Variants in ZNF492 observed in about 807,000 individuals in gnomAD.
ZNF492 encodes the protein zinc finger protein 115 (Y20).
In ZNF492, 3 loss-of-function variants were observed where a neutral mutation model predicts 6.4. The observed-to-expected ratio is 0.47, with a 90% CI of 0.21 to 1.22. The LOEUF (loss-of-function observed/expected upper bound fraction) is 1.22. Among genes scored for constraint, ZNF492 ranks in the 50% most tolerant of loss-of-function variants. ZNF492 has a pLI of 0.22. For missense variants in ZNF492, 356 were observed against 612.5 expected, an observed-to-expected ratio of 0.58 and a Z score of 4.42; for synonymous variants, 112 against 205.3, an observed-to-expected ratio of 0.55 and a Z score of 3.89.
At chr19:22,639,588 T>C (rs1971804588) in intron 1 of ZNF492, among the ~76,000 whole-genome samples, 1 of 151,668 alleles carries the variant, frequency 6.6e-6, no homozygotes, top group African/African-American at 2.4e-5. Context: ...CGCATACCTT[T>C]AATCCCAGCT....
chr19:22,662,675 G>A (rs911193097), intron 3 of ZNF492, among the ~76,000 whole-genome samples: 33 of 151,278 alleles, frequency 2.2e-4, no homozygotes, highest in Non-Finnish European at 2.7e-4. Flanking sequence ...TGCATTTCTC[G>A]GATGGCCAGT....
intron 1 of ZNF492, among the ~76,000 whole-genome samples, chr19:22,635,230 A>T (rs1971749085): frequency 6.6e-6 from 1 of 151,962 alleles, no homozygotes; most frequent in Admixed American, 6.6e-5. Flanking sequence ...GAGCCACCTC[A>T]GTCTATTTGC....
chr19:22,657,025 C>T (rs529553728), intron 3 of ZNF492, among the ~76,000 whole-genome samples: 3 of 152,004 alleles, frequency 2.0e-5, no homozygotes, highest in Non-Finnish European at 4.4e-5. Context: ...AAATAAGGCA[C>T]CATTTATTTT....
Position 22,659,652 on chromosome 19 carries a change from TG to T in ZNF492, c.131-4146del, listed in dbSNP as rs60895929. 1.4e-3 allele frequency among the ~76,000 whole-genome samples: 199 copies of T among 139,740 alleles called. 2 individuals carry two copies. The highest frequency in any genetic ancestry group is 3.4e-3 in the African/African-American group (126 of 36,656). 91.7% of individuals were successfully genotyped at this position (139,740 alleles called of 152,430 possible). The stretch of plus-strand genomic sequence containing the variant: ...AGGTTCCCAGTGAGTAAATCTGAAG[TG>T]GTTTTTTTTTGTTGTTTTTTTTTTT... On this transcript the variant is annotated intron_variant, in intron 3 of 3. Transcript: ENST00000456783.
chr19:22,666,065 A>G lies in ZNF492; in HGVS notation c.*800A>G, dbSNP rs1404937337. On this transcript the variant is annotated 3_prime_UTR_variant, in exon 4 of 4. Coordinates refer to ENST00000456783, the MANE Select transcript of ZNF492 (RefSeq NM_020855.3). The stretch of plus-strand genomic sequence containing the variant: ...AAGATTACAGATTTTTTTTAAAAGT[A>G]AATAACTCTCAAATTACTTCATACA... 6.6e-6 allele frequency: 1 copy of G among 152,186 alleles called. No homozygotes were observed. Among genetic ancestry groups the G allele is most frequent in the Non-Finnish European group, 1.5e-5 (1 of 68,030 alleles). The allele number at this position is 152,186 out of a possible 1,614,324, so 9.4% of individuals were successfully genotyped here. A position where few individuals can be genotyped will look rare whatever the true frequency, so the allele number is the denominator to read the frequency against.
chr19:22,648,265 G>A (rs4932783), intron 1 of ZNF492, among the ~76,000 whole-genome samples: 22,868 of 152,160 alleles, frequency 0.15, 1,752 homozygotes, highest in East Asian at 0.18. Context: ...TTTTGAGTAA[G>A]TTTCCTAATC....
chr19:22,663,813 T>C lies in ZNF492; in HGVS notation c.144T>C (p.Tyr48=). The part of the protein sequence containing the change: ...MVAEPPVVCS[Y]FARDLWPKQG... The stretch of plus-strand genomic sequence containing the variant: ...TATTTCTTTCAGTTGTATGTTCTTA[T>C]TTTGCCCGAGACCTTTGGCCAAAGC... Residue 48 remains tyrosine (Y), a synonymous_variant, in exon 4 of 4, where the codon TAT becomes TAC. Coordinates refer to ENST00000456783, the MANE Select transcript of ZNF492 (RefSeq NM_020855.3). 2.6e-6 allele frequency: 4 copies of C among 1,518,996 alleles called. No individual in the cohort carries two copies. The South Asian group carries it at 5.4e-5, about 21-fold the overall frequency. The allele number at this position is 1,518,996 out of a possible 1,614,324, so 94.1% of individuals were successfully genotyped here. A position where few individuals can be genotyped will look rare whatever the true frequency, so the allele number is the denominator to read the frequency against.
At chr19:22,651,523 A>G (rs1971939513) in intron 1 of ZNF492, among the ~76,000 whole-genome samples, 1 of 152,036 alleles carries the variant, frequency 6.6e-6, no homozygotes, top group African/African-American at 2.4e-5. Flanking sequence ...TAGTTCTTAT[A>G]ATAGTCAAAG....
At chr19:22,635,850 G>A (rs1164294938) in intron 1 of ZNF492, among the ~76,000 whole-genome samples, 1 of 152,182 alleles carries the variant, frequency 6.6e-6, no homozygotes, top group African/African-American at 2.4e-5. Flanking sequence ...TGGATACCCT[G>A]GGGAAAAGAT....
At chr19:22,638,328 A>C (rs1476160782) in intron 1 of ZNF492, among the ~76,000 whole-genome samples, 1 of 152,008 alleles carries the variant, frequency 6.6e-6, no homozygotes, top group Non-Finnish European at 1.5e-5. Flanking sequence ...TATCTCATGC[A>C]TTTTTTAAAA....
chr19:22,648,063 T>G (rs1322650856), intron 1 of ZNF492, among the ~76,000 whole-genome samples: 1 of 152,158 alleles, frequency 6.6e-6, no homozygotes, highest in Non-Finnish European at 1.5e-5. Context: ...TGTTAGGGTG[T>G]CGATTTGAGA....
intron 3 of ZNF492, among the ~76,000 whole-genome samples, chr19:22,657,064 C>A (rs549097246): frequency 7.9e-5 from 12 of 152,198 alleles, no homozygotes; most frequent in East Asian, 3.9e-4. Flanking sequence ...CTCTTCCTGT[C>A]CATTTTTACT....
At chr19:22,650,418 T>TGTCC (rs1178084403) in intron 1 of ZNF492, among the ~76,000 whole-genome samples, 2 of 152,100 alleles carry the variant, frequency 1.3e-5, no homozygotes, top group African/African-American at 4.8e-5. Flanking sequence ...CAGAACCCAT[T>TGTCC]TAATGAAGCA....
At chr19:22,644,555 A>G (rs543961788) in intron 1 of ZNF492, among the ~76,000 whole-genome samples, 2 of 152,252 alleles carry the variant, frequency 1.3e-5, no homozygotes, top group South Asian at 4.2e-4. Context: ...AAAGGACATG[A>G]TCTCATTTCT....
chr19:22,652,162 T>C (rs2145253376), intron 1 of ZNF492, among the ~76,000 whole-genome samples: 1 of 151,606 alleles, frequency 6.6e-6, no homozygotes, highest in Non-Finnish European at 1.5e-5. Context: ...ACTGAGTATC[T>C]TTATTCAGCA....
In ZNF492 at chr19:22,663,740, T is replaced by G; in HGVS notation, c.131-60T>G. On this transcript the variant is annotated intron_variant, in intron 3 of 3. Coordinates refer to ENST00000456783, the MANE Select transcript of ZNF492 (RefSeq NM_020855.3). ...TTTGTATAATTTTATAGGTTAGATT[T>G]GTAAAGTACATTCGTCTGAGTCAGT... 2.8e-6 allele frequency: 4 copies of G among 1,410,382 alleles called. No individual in the cohort carries two copies. The East Asian group carries it at 7.6e-5, about 27-fold the overall frequency. 87.4% of individuals were successfully genotyped at this position (1,410,382 alleles called of 1,614,324 possible). A position where few individuals can be genotyped will look rare whatever the true frequency, so the allele number is the denominator to read the frequency against.
chr19:22,660,912 G>C (rs1340676070), intron 3 of ZNF492, among the ~76,000 whole-genome samples: 6 of 138,434 alleles, frequency 4.3e-5, no homozygotes, highest in Admixed American at 4.2e-4. Context: ...CAACTTGATA[G>C]CTTTTTTTTT....
At chr19:22,640,653 G>A (rs1441513160) in intron 1 of ZNF492, among the ~76,000 whole-genome samples, 1 of 152,110 alleles carries the variant, frequency 6.6e-6, no homozygotes, top group African/African-American at 2.4e-5. Context: ...GTATCAGAAT[G>A]GTGCTGTTTT....
intron 3 of ZNF492, among the ~76,000 whole-genome samples, chr19:22,654,856 C>G (rs1230531001): frequency 6.6e-6 from 1 of 150,386 alleles, no homozygotes; most frequent in African/African-American, 2.4e-5. Context: ...CCACCTCGGC[C>G]TCCCAGAGTG....
Sources: gnomAD v4.1 joint callset for allele counts (sites outside exome capture counted in the v4.1 genomes callset) on GRCh38, gnomAD v4.1.1 for gene constraint, MANE v1.5 for transcripts, NCBI Gene and HGNC (gene_info 2026-07-23, HGNC 2026-07-21) for gene names.